Variants in SHISA9 observed in about 807,000 individuals in gnomAD.
The protein encoded by SHISA9 is protein shisa-9.
In SHISA9, 13 loss-of-function variants were observed where a neutral mutation model predicts 38.0. The observed-to-expected ratio is 0.34, with a 90% confidence interval of 0.22 to 0.54. The LOEUF is 0.54. SHISA9 is among the 20% of genes least tolerant of loss of function. The pLI is 0.91. For missense variants in SHISA9, 538 were observed against 575.8 expected (o/e 0.93, Z 0.67); for synonymous variants, 275 against 242.0 (o/e 1.14, Z -1.27).
intron 2 of SHISA9, among the ~76,000 whole-genome samples, chr16:13,193,644 C>A (rs920451455): frequency 2.0e-5 from 3 of 152,204 alleles, no homozygotes; most frequent in African/African-American, 7.2e-5. Flanking sequence ...CCGCGCCTGG[C>A]CAATTTGGCC....
chr16:13,339,281 C>T, the SHISA9 span, among the ~76,000 whole-genome samples: 1 of 151,444 alleles, frequency 6.6e-6, no homozygotes, highest in Non-Finnish European at 1.5e-5. Context: ...AGTCTTTCAC[C>T]TTATTATTTT....
the SHISA9 span, chr16:13,458,566 C>G: frequency 2.4e-6 from 1 of 419,186 alleles, no homozygotes; most frequent in Non-Finnish European, 4.8e-6. Flanking sequence ...TGAACTTGAA[C>G]AGAAGGTGAA....
At chr16:12,943,306 TGTGTGTGTGTGTGTGTGTGTGTGTGAGA>T (rs2071637414) in intron 2 of SHISA9, among the ~76,000 whole-genome samples, 1 of 82,218 alleles carries the variant, frequency 1.2e-5, no homozygotes, top group African/African-American at 4.6e-5. Flanking sequence ...TGTGTGTGTG[TGTGTGTGTGTGTGTGTGTGTGTGTGAGA>T]GAGAGAGAGA....
At chr16:13,543,973 A>G in the SHISA9 span, among the ~76,000 whole-genome samples, 1 of 152,150 alleles carries the variant, frequency 6.6e-6, no homozygotes, top group Non-Finnish European at 1.5e-5. Flanking sequence ...GTGCAGCTGA[A>G]CAAATAGAAA....
chr16:13,066,282 A>C (rs1356814046), intron 2 of SHISA9, among the ~76,000 whole-genome samples: 1 of 152,194 alleles, frequency 6.6e-6, no homozygotes, highest in East Asian at 1.9e-4. Context: ...AGCTCTAGGG[A>C]CTTAGGGGCT....
At chr16:12,910,786 G>A in intron 1 of SHISA9, 1 of 950,512 alleles carries the variant, frequency 1.1e-6, no homozygotes, top group Non-Finnish European at 1.3e-6. Flanking sequence ...TTCATTATAA[G>A]GAATTGGAAG....
At chr16:12,977,404 G>A (rs2072177769) in intron 2 of SHISA9, among the ~76,000 whole-genome samples, 1 of 152,168 alleles carries the variant, frequency 6.6e-6, no homozygotes, top group South Asian at 2.1e-4. Flanking sequence ...GGAAGACAGT[G>A]TGGCAATTCC....
chr16:13,491,818 C>CTTTTTTTTTTTTTT, the SHISA9 span, among the ~76,000 whole-genome samples: 1 of 44,506 alleles, frequency 2.2e-5, no homozygotes, highest in Non-Finnish European at 4.2e-5. Flanking sequence ...ATTTATTGAC[C>CTTTTTTTTTTTTTT]TTTTTTTTTT....
chr16:13,120,856 G>A (rs183951721), intron 2 of SHISA9, among the ~76,000 whole-genome samples: 12 of 152,254 alleles, frequency 7.9e-5, no homozygotes, highest in Middle Eastern at 3.4e-3. Context: ...TTCTTCAGGA[G>A]ACTTTCACAG....
chr16:13,164,864 T>A (rs914525411), intron 2 of SHISA9, among the ~76,000 whole-genome samples: 7 of 152,196 alleles, frequency 4.6e-5, no homozygotes, highest in African/African-American at 1.4e-4. Context: ...TGAACCTTTT[T>A]AAAATGATTG....
At chr16:13,452,709 A>G in the SHISA9 span, among the ~76,000 whole-genome samples, 2 of 152,030 alleles carry the variant, frequency 1.3e-5, no homozygotes, top group Non-Finnish European at 1.5e-5. Context: ...AACCTAAGCT[A>G]TTTGGCTCAA....
chr16:13,013,318 C>A (rs193232143), intron 2 of SHISA9, among the ~76,000 whole-genome samples: 3 of 152,274 alleles, frequency 2.0e-5, no homozygotes, highest in Non-Finnish European at 2.9e-5. Flanking sequence ...GAGTCAAGGA[C>A]GCCTATAGCC....
chr16:13,490,593 A>C, the SHISA9 span, among the ~76,000 whole-genome samples: 9 of 152,124 alleles, frequency 5.9e-5, no homozygotes, highest in Admixed American at 4.6e-4. Flanking sequence ...TGAGGACAGA[A>C]CCTGAAGCCC....
chr16:12,984,479 G>A (rs963056762), intron 2 of SHISA9, among the ~76,000 whole-genome samples: 17 of 152,128 alleles, frequency 1.1e-4, no homozygotes, highest in Admixed American at 5.9e-4. Flanking sequence ...ACTCCATGAC[G>A]TGTCTCTCTC....
chr16:13,019,607 G>C (rs952470800), intron 2 of SHISA9, among the ~76,000 whole-genome samples: 1 of 151,700 alleles, frequency 6.6e-6, no homozygotes, highest in African/African-American at 2.4e-5. Flanking sequence ...TTCATTTCCC[G>C]GTCTTTTTTT....
chr16:13,469,419 AAGAAAAAGAAAGAAAGAG>A, the SHISA9 span, among the ~76,000 whole-genome samples: 261 of 112,968 alleles, frequency 2.3e-3, 3 homozygotes, highest in South Asian at 0.01. Context: ...GAAAGAAAGA[AAGAAAAAGAAAGAAAGAG>A]AAAGAAAGAG....
intron 2 of SHISA9, among the ~76,000 whole-genome samples, chr16:12,995,429 A>G (rs571253593): frequency 3.3e-5 from 5 of 152,290 alleles, no homozygotes; most frequent in South Asian, 4.1e-4. Context: ...GGCTGACTCA[A>G]TAGGCATCTG....
chr16:13,011,038 C>T (rs1161517882), intron 2 of SHISA9, among the ~76,000 whole-genome samples: 2 of 152,086 alleles, frequency 1.3e-5, no homozygotes, highest in East Asian at 3.9e-4. Flanking sequence ...CTAATATCTT[C>T]CACAAATATT....
chr16:13,117,984 C>T (rs182748637), intron 2 of SHISA9, among the ~76,000 whole-genome samples: 1 of 152,150 alleles, frequency 6.6e-6, no homozygotes, highest in East Asian at 1.9e-4. Context: ...AAGTTCGAGA[C>T]CAGCCTGGCC....
Sources: gnomAD v4.1 joint callset for allele counts (sites outside exome capture counted in the v4.1 genomes callset) on GRCh38, gnomAD v4.1.1 for gene constraint, MANE v1.5 for transcripts, NCBI Gene and HGNC (gene_info 2026-07-23, HGNC 2026-07-21) for gene names.